STK3: variants seen among roughly 807,000 people sequenced by gnomAD.
STK3 encodes the protein serine/threonine kinase 3.
A neutral mutation model predicts 58.0 loss-of-function variants in STK3; 41 were observed. The observed-to-expected ratio is 0.71, with a 90% CI of 0.55 to 0.92. The LOEUF is 0.92. STK3 is among the 40% of genes least tolerant of loss of function. STK3 has a pLI of 0.00. For synonymous variants in STK3, 170 were observed against 191.0 expected (o/e 0.89, Z 0.91); for missense variants, 479 against 602.7 (o/e 0.79, Z 2.15).
chr8:98,675,854 A>T (rs991893829), intron 6 of STK3, among the ~76,000 whole-genome samples: 3 of 150,814 alleles, frequency 2.0e-5, no homozygotes, highest in African/African-American at 7.3e-5. Flanking sequence ...ACAGAGCGAG[A>T]CTCTGTCTCA....
At chr8:98,429,519 C>T in intron 3 of STK3, 2 of 787,414 alleles carry the variant, frequency 2.5e-6, no homozygotes, top group Non-Finnish European at 2.1e-6. Context: ...TGCCCAGCCC[C>T]TGAGGGGAGA....
intron 6 of STK3, among the ~76,000 whole-genome samples, chr8:98,687,751 C>T (rs1824105570): frequency 6.6e-6 from 1 of 152,178 alleles, no homozygotes; most frequent in Admixed American, 6.5e-5. Context: ...CACTGCCAGA[C>T]CAGCCCTACA....
At chr8:98,893,590 G>GAAGGAAAGGA (rs370549669) in intron 1 of STK3, among the ~76,000 whole-genome samples, 1 of 149,632 alleles carries the variant, frequency 6.7e-6, no homozygotes, top group Non-Finnish European at 1.5e-5. Flanking sequence ...AGGAAAGAAA[G>GAAGGAAAGGA]AAGGAAAGGA....
intron 10 of STK3, among the ~76,000 whole-genome samples, chr8:98,514,290 G>T (rs567545450): frequency 6.6e-6 from 1 of 152,070 alleles, no homozygotes; most frequent in Non-Finnish European, 1.5e-5. Context: ...TGACCAAAAA[G>T]TTGTAGCATT....
chr8:98,689,029 AAG>A (rs1220914216), intron 6 of STK3, among the ~76,000 whole-genome samples: 1 of 152,196 alleles, frequency 6.6e-6, no homozygotes, highest in Non-Finnish European at 1.5e-5. Flanking sequence ...TAAAAAAGGA[AAG>A]AGAGAAGATC....
intron 10 of STK3, among the ~76,000 whole-genome samples, chr8:98,502,287 A>G (rs4734409): frequency 0.057 from 8,658 of 152,232 alleles, 332 homozygotes; most frequent in South Asian, 0.19. Context: ...GTTGCTTATC[A>G]GCTTAAGGAG....
chr8:98,475,656 T>C (rs1246369291), intron 10 of STK3, among the ~76,000 whole-genome samples: 1 of 151,386 alleles, frequency 6.6e-6, no homozygotes, highest in Non-Finnish European at 1.5e-5. Flanking sequence ...CTTAAGGAGG[T>C]TTTTTAAAGC....
chr8:98,699,317 G>A (rs1323746237), intron 6 of STK3, among the ~76,000 whole-genome samples: 1 of 152,030 alleles, frequency 6.6e-6, no homozygotes, highest in Non-Finnish European at 1.5e-5. Context: ...ATTTCCTCCT[G>A]TAGCTTGGAG....
chr8:98,854,474 T>C (rs1273432091), intron 3 of STK3, among the ~76,000 whole-genome samples: 1 of 152,172 alleles, frequency 6.6e-6, no homozygotes, highest in Non-Finnish European at 1.5e-5. Flanking sequence ...ATCTCGTATA[T>C]AGAAAATCCT....
At chr8:98,469,225 C>T (rs1002467135) in intron 10 of STK3, among the ~76,000 whole-genome samples, 5 of 146,774 alleles carry the variant, frequency 3.4e-5, no homozygotes, top group African/African-American at 1.0e-4. Context: ...TTATAATACA[C>T]GAATGGTCCA....
At chr8:98,501,685 C>G (rs1209435863) in intron 10 of STK3, among the ~76,000 whole-genome samples, 1 of 152,086 alleles carries the variant, frequency 6.6e-6, no homozygotes, top group Non-Finnish European at 1.5e-5. Flanking sequence ...TTCTTGTTTT[C>G]ATCAGGTTTG....
chr8:98,824,886 G>C (rs1587711208), intron 1 of STK3, among the ~76,000 whole-genome samples: 1 of 152,282 alleles, frequency 6.6e-6, no homozygotes, highest in Admixed American at 6.5e-5. Context: ...TCATTCTTGG[G>C]GAGAGAGGAA....
chr8:98,521,239 ACT>A (rs889209908), intron 10 of STK3, among the ~76,000 whole-genome samples: 15 of 151,828 alleles, frequency 9.9e-5, no homozygotes, highest in African/African-American at 3.6e-4. Flanking sequence ...AAAATAAATA[ACT>A]CTGCAAAAAT....
At chr8:98,922,662 A>G (rs938420078) in intron 1 of STK3, among the ~76,000 whole-genome samples, 2 of 152,242 alleles carry the variant, frequency 1.3e-5, no homozygotes, top group Admixed American at 6.5e-5. Flanking sequence ...CTCTTCTATT[A>G]TATACAAGGC....
intron 10 of STK3, among the ~76,000 whole-genome samples, chr8:98,515,134 A>T (rs181177892): frequency 7.2e-5 from 11 of 152,190 alleles, no homozygotes; most frequent in African/African-American, 2.6e-4. Context: ...AACAGTCTTT[A>T]ATCCAGTTAT....
intron 10 of STK3, among the ~76,000 whole-genome samples, chr8:98,458,885 C>T (rs547890861): frequency 6.6e-6 from 1 of 152,304 alleles, no homozygotes; most frequent in African/African-American, 2.4e-5. Flanking sequence ...ACACCTCTTT[C>T]CTTTGTAAAT....
At chr8:98,433,220 C>G (rs1197055787) in intron 3 of STK3, among the ~76,000 whole-genome samples, 1 of 152,152 alleles carries the variant, frequency 6.6e-6, no homozygotes, top group Non-Finnish European at 1.5e-5. Flanking sequence ...TCTTGTGAAA[C>G]AGACACCCCT....
At chr8:98,465,893 G>A (rs144221084) in intron 10 of STK3, among the ~76,000 whole-genome samples, 14 of 152,228 alleles carry the variant, frequency 9.2e-5, no homozygotes, top group Middle Eastern at 3.4e-3. Context: ...TGCATTTTCC[G>A]TTTCTGGTAA....
intron 6 of STK3, among the ~76,000 whole-genome samples, chr8:98,668,514 C>G (rs1822538600): frequency 6.6e-6 from 1 of 152,056 alleles, no homozygotes. Flanking sequence ...TTCAAAAAAG[C>G]TTAAAGTTTC....
Sources: gnomAD v4.1 joint callset for allele counts (sites outside exome capture counted in the v4.1 genomes callset) on GRCh38, gnomAD v4.1.1 for gene constraint, MANE v1.5 for transcripts, NCBI Gene and HGNC (gene_info 2026-07-23, HGNC 2026-07-21) for gene names.